Variants in SUPT7L observed in about 807,000 individuals in gnomAD.
SUPT7L encodes the protein SPT7 like, STAGA complex subunit gamma.
Under a neutral mutation model 35.7 loss-of-function variants are expected in SUPT7L, and 15 were observed. The observed-to-expected ratio is 0.42, with a 90% CI of 0.28 to 0.65. The LOEUF (loss-of-function observed/expected upper bound fraction) is 0.65. Among genes scored for constraint, SUPT7L ranks in the 30% least tolerant of loss-of-function variants. The pLI is 0.23. For missense variants in SUPT7L, 434 were observed against 522.2 expected (o/e 0.83, Z 1.65); for synonymous variants, 168 against 186.2 (o/e 0.90, Z 0.79).
Position 27,655,487 on chromosome 2 carries a change from A to C in SUPT7L, c.860T>G (p.Val287Gly). 1 of 1,614,166 alleles carries C rather than the reference A, an allele frequency of 6.2e-7. No individual in the cohort carries two copies. The highest frequency in any genetic ancestry group is 8.5e-7 in the Non-Finnish European group (1 of 1,180,006). The change falls in exon 5 of 6, where the codon GTC becomes GGC. Residue 287 changes from valine (V) to glycine (G), a missense_variant. Coordinates refer to ENST00000337768, the MANE Select transcript of SUPT7L (RefSeq NM_014860.3). The part of the protein sequence containing the change: ...EEPVSDITFP[V>G]SEELEADLAS... ...AAGGTCAGCCTCCAGCTCCTCACTG[A>C]CAGGAAAAGTGATGTCGCTCACAGG...
Position 27,653,647 on chromosome 2 carries a change from G to A in SUPT7L, c.1083C>T (p.Gly361=), listed in dbSNP as rs748719922. The change falls in exon 6 of 6, where the codon GGC becomes GGT. Residue 361 remains glycine (G), a synonymous_variant. Coordinates refer to ENST00000337768, the MANE Select transcript of SUPT7L (RefSeq NM_014860.3). ...EGNVSGHGVL[G]SDVFEEPMSG... Reference sequence around the variant, plus strand: ...ACATAGGCTCCTCGAAGACATCACTGCCCAGCACACCATGCCCAGAGACAT... The same window carrying A: ...ACATAGGCTCCTCGAAGACATCACTACCCAGCACACCATGCCCAGAGACAT... 13 of 1,614,030 alleles carry A rather than the reference G, an allele frequency of 8.1e-6. No individual in the cohort carries two copies. The highest frequency in any genetic ancestry group is 1.6e-4 in the Middle Eastern group (1 of 6,084).
In SUPT7L at chr2:27,653,251, T is replaced by G; in HGVS notation, c.*234A>C. 2 of 549,008 alleles carry G rather than the reference T, an allele frequency of 3.6e-6. No individual in the cohort carries two copies. The highest frequency in any genetic ancestry group is 6.4e-6 in the Non-Finnish European group (2 of 311,098). 34.0% of individuals were successfully genotyped at this position (549,008 alleles called of 1,614,324 possible). ...GGACAGTGCTTTGGTCTGATTGCCA[T>G]GCCAGCATCATATTTTATCTGTGAA... On this transcript the variant is annotated 3_prime_UTR_variant, in exon 6 of 6. Transcript: ENST00000337768.
downstream of SUPT7L, among the ~76,000 whole-genome samples, chr2:27,645,934 T>TG (rs1225372267): frequency 6.6e-6 from 1 of 152,138 alleles, no homozygotes; most frequent in Non-Finnish European, 1.5e-5. Flanking sequence ...TTTGCCGTGT[T>TG]GCCCAGGCTG....
intron 3 of SUPT7L, among the ~76,000 whole-genome samples, chr2:27,659,744 C>T (rs1674962986): frequency 6.6e-6 from 1 of 151,974 alleles, no homozygotes; most frequent in Non-Finnish European, 1.5e-5. Context: ...ATGTCTGCAA[C>T]TTACTTTAAA....
chr2:27,648,683 T>TG (rs1278239500), downstream of SUPT7L, among the ~76,000 whole-genome samples: 1 of 152,238 alleles, frequency 6.6e-6, no homozygotes, highest in Non-Finnish European at 1.5e-5. Flanking sequence ...TTGCCCAGGC[T>TG]GGAGTGCAGT....
At chr2:27,650,138 C>T (rs774843281), downstream of SUPT7L, 64 of 1,604,218 alleles carry the variant, frequency 4.0e-5, 1 homozygote, top group South Asian at 5.9e-4. Flanking sequence ...CCATGAAGAG[C>T]CAGCATTCCA....
chr2:27,662,097 A>T (rs1017275104), intron 2 of SUPT7L, 82 bp downstream of exon 2: 31 of 1,595,920 alleles, frequency 1.9e-5, no homozygotes, highest in Non-Finnish European at 2.6e-5. Context: ...CTTAAATCAA[A>T]TGGCTTCCCA....
downstream of SUPT7L, among the ~76,000 whole-genome samples, chr2:27,648,143 G>A (rs1278357321): frequency 3.3e-5 from 5 of 152,214 alleles, no homozygotes; most frequent in African/African-American, 1.2e-4. Context: ...CCTTTCGTTG[G>A]TCTTGTGTCT....
chr2:27,659,558 T>TTTACAAAAGATATTTTGTAAATATAC (rs1288452124), intron 3 of SUPT7L, among the ~76,000 whole-genome samples: 3 of 152,186 alleles, frequency 2.0e-5, no homozygotes, highest in African/African-American at 7.2e-5. Flanking sequence ...GGAAAAGACA[T>TTTACAAAAGATATTTTGTAAATATAC]TTACAAAAGA....
chr2:27,660,265 C>T (rs1477609464), intron 3 of SUPT7L, among the ~76,000 whole-genome samples: 1 of 151,392 alleles, frequency 6.6e-6, no homozygotes, highest in Non-Finnish European at 1.5e-5. Context: ...GGGTCTCACT[C>T]AGTCACCCAG....
chr2:27,655,591 T>C lies in SUPT7L; in HGVS notation c.756A>G (p.Gln252=), dbSNP rs1475580493. 2 of 1,586,382 alleles carry C rather than the reference T, an allele frequency of 1.3e-6. No homozygotes were observed. Among genetic ancestry groups the C allele is most frequent in the South Asian group, 2.3e-5 (2 of 87,038 alleles). The change falls in exon 5 of 6, where the codon CAA becomes CAG. Residue 252 remains glutamine (Q), a synonymous_variant. Coordinates refer to ENST00000337768, the MANE Select transcript of SUPT7L (RefSeq NM_014860.3). ...YHSYMLQISK[Q]LSEEYERIVN... is the part of the protein sequence containing the mutation. ...CAATCCTTTCATATTCTTCAGAGAG[T>C]TGCTTACTAATCTGTTGGCAAGCAA...
intron 1 of SUPT7L, among the ~76,000 whole-genome samples, chr2:27,662,866 A>G (rs1475223801): frequency 6.6e-6 from 1 of 151,298 alleles, no homozygotes; most frequent in Non-Finnish European, 1.5e-5. Flanking sequence ...TGCAGCCTCA[A>G]CCTCCTGGGA....
chr2:27,643,944 C>T, the SUPT7L span, among the ~76,000 whole-genome samples: 1 of 152,216 alleles, frequency 6.6e-6, no homozygotes, highest in African/African-American at 2.4e-5. This position sits in a 1 kb window ranked among gnomAD's most constrained non-coding sequence, Gnocchi z 4.0. Flanking sequence ...TTTGGGAGGC[C>T]GAGGCGGGTG....
At chr2:27,661,653 A>G in intron 2 of SUPT7L, 1 of 1,323,496 alleles carries the variant, frequency 7.6e-7, no homozygotes, top group Non-Finnish European at 9.7e-7. Context: ...TTGTCATACT[A>G]TGACAATTCC....
chr2:27,657,294 C>T lies in SUPT7L; in HGVS notation c.744+51G>A. On this transcript the variant is annotated intron_variant, in intron 4 of 5. Transcript: ENST00000337768. The surrounding 1 kb of genome is among the most constrained non-coding windows in gnomAD (Gnocchi z 5.2). ...AAGTGTTGTGGGATCCTGCTGAACA[C>T]TCCGAGATTGCACAGACATCTGTGC... 6.3e-7 allele frequency: 1 copy of T among 1,578,846 alleles called. No homozygotes were observed. The highest frequency in any genetic ancestry group is 8.6e-7 in the Non-Finnish European group (1 of 1,159,024).
intron 2 of SUPT7L, 89 bp downstream of exon 2, chr2:27,662,090 A>C (rs1675141049): frequency 6.3e-7 from 1 of 1,583,730 alleles, no homozygotes; most frequent in Non-Finnish European, 8.7e-7. Flanking sequence ...TTTAAAACTT[A>C]AATCAAATGG....
At chr2:27,647,873 C>T (rs1330692270), downstream of SUPT7L, 9 of 1,613,526 alleles carry the variant, frequency 5.6e-6, no homozygotes, top group Non-Finnish European at 7.6e-6. Flanking sequence ...CTGATTTGAT[C>T]CTGACTCGAG....
chr2:27,643,927 C>G, the SUPT7L span, among the ~76,000 whole-genome samples: 1 of 152,246 alleles, frequency 6.6e-6, no homozygotes, highest in East Asian at 1.9e-4. The surrounding 1 kb of genome is among the most constrained non-coding windows in gnomAD (Gnocchi z 4.0). Context: ...GCCTGTAATC[C>G]CAGCATTTTG....
At chr2:27,647,242 T>G (rs541426425), downstream of SUPT7L, among the ~76,000 whole-genome samples, 2 of 152,330 alleles carry the variant, frequency 1.3e-5, no homozygotes, top group East Asian at 3.9e-4. Context: ...CCCATGGCAG[T>G]AGTGACTTGA....
Sources: allele counts gnomAD v4.1 joint callset (sites outside exome capture counted in the v4.1 genomes callset), GRCh38; gene constraint gnomAD v4.1.1; non-coding constraint Gnocchi (gnomAD v3.1); transcripts MANE v1.5; gene names NCBI Gene and HGNC (gene_info 2026-07-23, HGNC 2026-07-21).